SRC: variants seen among roughly 807,000 people sequenced by gnomAD.
SRC encodes the protein SRC proto-oncogene, non-receptor tyrosine kinase.
SRC carries 13 observed loss-of-function variants against 62.9 expected under a neutral mutation model. That is an observed-to-expected ratio of 0.21 (90% CI 0.13 to 0.33). The LOEUF (loss-of-function observed/expected upper bound fraction) is 0.33. Among genes scored for constraint, SRC ranks in the 10% least tolerant of loss-of-function variants. The probability of loss-of-function intolerance (pLI) is 1.00; values close to 1 mark genes in which losing one functional copy is unlikely to be tolerated. For missense variants in SRC, 457 were observed against 737.3 expected (o/e 0.62, Z 4.40); for synonymous variants, 302 against 317.5 (o/e 0.95, Z 0.52).
chr20:37,379,722 CAA>C (rs1240730350), intron 2 of SRC, among the ~76,000 whole-genome samples: 2 of 129,084 alleles, frequency 1.5e-5, no homozygotes, highest in Non-Finnish European at 3.3e-5. Flanking sequence ...GACTCTGTCT[CAA>C]AAAAAAAAAA....
At chr20:37,368,372 C>A (rs949443997) in intron 2 of SRC, among the ~76,000 whole-genome samples, 1 of 151,848 alleles carries the variant, frequency 6.6e-6, no homozygotes, top group African/African-American at 2.4e-5. Context: ...GAGCTGAGAT[C>A]GCACCATTTT....
chr20:37,363,826 G>A (rs534582724), intron 1 of SRC, among the ~76,000 whole-genome samples: 2 of 152,290 alleles, frequency 1.3e-5, no homozygotes, highest in African/African-American at 2.4e-5. Flanking sequence ...ATTGTCACTC[G>A]GCTGCTAAGA....
intron 4 of SRC, among the ~76,000 whole-genome samples, chr20:37,385,075 C>T (rs2070432684): frequency 6.6e-6 from 1 of 152,222 alleles, no homozygotes. Context: ...AGACACATCC[C>T]CAACGCAGAT....
chr20:37,384,478 G>T lies in SRC; in HGVS notation c.250+75G>T. 7.8e-7 allele frequency: 1 copy of T among 1,277,552 alleles called. No homozygotes were observed. The highest frequency in any genetic ancestry group is 9.8e-7 in the Non-Finnish European group (1 of 1,017,690). 79.1% of individuals were successfully genotyped at this position (1,277,552 alleles called of 1,614,324 possible). ...GGAGGCGGCGGGGCTGTGTGCCCGGGGTCGCCCCCTCTGCGCAGGCCCTTC... is the reference window on the plus strand; with the variant it reads ...GGAGGCGGCGGGGCTGTGTGCCCGGTGTCGCCCCCTCTGCGCAGGCCCTTC... On this transcript the variant is annotated intron_variant, in intron 4 of 13. Transcript: ENST00000373578. The surrounding 1 kb of genome is among the most constrained non-coding windows in gnomAD (Gnocchi z 6.7).
rs868612994 is a variant in SRC at position 37,398,378 on chromosome 20, C to T, written c.859+524C>T. On this transcript the variant is annotated intron_variant, in intron 9 of 13. Transcript: ENST00000373578. This position sits in a 1 kb window ranked among gnomAD's most constrained non-coding sequence, Gnocchi z 5.2. Reference sequence around the variant, plus strand: ...GTGCAGCCCTGACAAAACCCAGGCCCCTCTTCCACCGGATGCTTTCTGCTC... The same window carrying T: ...GTGCAGCCCTGACAAAACCCAGGCCTCTCTTCCACCGGATGCTTTCTGCTC... Among the ~76,000 whole-genome samples, 9 of 152,350 alleles carry T rather than the reference C, an allele frequency of 5.9e-5. No homozygotes were observed. The highest frequency in any genetic ancestry group is 7.3e-5 in the Non-Finnish European group (5 of 68,032).
intron 5 of SRC, among the ~76,000 whole-genome samples, chr20:37,391,803 G>A (rs957731317): frequency 1.3e-5 from 2 of 152,162 alleles, no homozygotes; most frequent in African/African-American, 2.4e-5. Flanking sequence ...GCAGTGAGCC[G>A]AGATCGCGCT....
chr20:37,354,040 G>A (rs1204314201), intron 1 of SRC, among the ~76,000 whole-genome samples: 1 of 152,224 alleles, frequency 6.6e-6, no homozygotes, highest in Non-Finnish European at 1.5e-5. Flanking sequence ...AGTGCTCGGT[G>A]CGTGTTATTT....
At chr20:37,378,717 G>A (rs1184519542) in intron 2 of SRC, among the ~76,000 whole-genome samples, 3 of 152,148 alleles carry the variant, frequency 2.0e-5, no homozygotes, top group African/African-American at 7.2e-5. Context: ...TTTAAGCGGA[G>A]GAGGCCCAGT....
At chr20:37,360,903 A>C (rs1052852882) in intron 1 of SRC, among the ~76,000 whole-genome samples, 6 of 152,202 alleles carry the variant, frequency 3.9e-5, no homozygotes, top group Non-Finnish European at 5.9e-5. Flanking sequence ...AGAGAGGTGG[A>C]GTAACTTTCC....
chr20:37,359,993 G>A lies in SRC; in HGVS notation c.-246-5211G>A, dbSNP rs368886435. 4.0e-5 allele frequency among the ~76,000 whole-genome samples: 6 copies of A among 151,744 alleles called. No individual in the cohort carries two copies. The East Asian group carries it at 7.8e-4, about 20-fold the overall frequency. Reference sequence around the variant, plus strand: ...ATAGAATGAACCCCATGAACCCATCGCTGAGCCAAGCACCACTACCCATGG... The same window carrying A: ...ATAGAATGAACCCCATGAACCCATCACTGAGCCAAGCACCACTACCCATGG... On this transcript the variant is annotated intron_variant, in intron 1 of 13. Transcript: ENST00000373578.
chr20:37,394,129 A>G lies in SRC; in HGVS notation c.450-45A>G, dbSNP rs756314608. 3.8e-6 allele frequency: 6 copies of G among 1,589,176 alleles called. 1 individual carries two copies. In the South Asian group the frequency reaches 6.6e-5, roughly 18 times the overall value. ...CCAGGGAGAAGCACTGTGAGTGGGCAGAAGCCTGGACAGTCAGCACCATCC... is the reference window on the plus strand; with the variant it reads ...CCAGGGAGAAGCACTGTGAGTGGGCGGAAGCCTGGACAGTCAGCACCATCC... On this transcript the variant is annotated intron_variant, in intron 6 of 13. Coordinates refer to ENST00000373578, the MANE Select transcript of SRC (RefSeq NM_198291.3).
At chr20:37,356,429 G>A (rs1226059093) in intron 1 of SRC, among the ~76,000 whole-genome samples, 2 of 152,148 alleles carry the variant, frequency 1.3e-5, no homozygotes, top group African/African-American at 2.4e-5. Context: ...CAGTGAGGTG[G>A]CCCTGGTGGC....
chr20:37,363,480 T>G (rs2070009831), intron 1 of SRC, among the ~76,000 whole-genome samples: 1 of 151,970 alleles, frequency 6.6e-6, no homozygotes, highest in Non-Finnish European at 1.5e-5. Flanking sequence ...TGGGCTCTGG[T>G]GTCCCTCGGA....
In SRC at chr20:37,397,508, A is replaced by G. The variant is rs529105698; in HGVS notation, c.704-191A>G. The stretch of plus-strand genomic sequence containing the variant: ...ACTGACTGAATGACTGACTCAGCAG[A>G]TGCATAAAGCACTGTGGGCCTGTGT... On this transcript the variant is annotated intron_variant, in intron 8 of 13. Coordinates refer to ENST00000373578, the MANE Select transcript of SRC (RefSeq NM_198291.3). This position sits in a 1 kb window ranked among gnomAD's most constrained non-coding sequence, Gnocchi z 4.1. Among the ~76,000 whole-genome samples, 1 of 152,182 alleles carries G rather than the reference A, an allele frequency of 6.6e-6. No individual in the cohort carries two copies. Among genetic ancestry groups the G allele is most frequent in the Non-Finnish European group, 1.5e-5 (1 of 68,016 alleles).
chr20:37,379,623 C>T (rs2147026644), intron 2 of SRC, among the ~76,000 whole-genome samples: 1 of 151,894 alleles, frequency 6.6e-6, no homozygotes, highest in Non-Finnish European at 1.5e-5. Context: ...ACTCAGGAGG[C>T]TGAGGCAGTA....
chr20:37,384,049 T>C lies in SRC; in HGVS notation c.-4-101T>C. 1 of 1,507,166 alleles carries C rather than the reference T, an allele frequency of 6.6e-7. No homozygotes were observed. Among genetic ancestry groups the C allele is most frequent in the East Asian group, 2.6e-5 (1 of 37,902 alleles). 93.4% of individuals were successfully genotyped at this position (1,507,166 alleles called of 1,614,324 possible). A position where few individuals can be genotyped will look rare whatever the true frequency, so the allele number is the denominator to read the frequency against. On this transcript the variant is annotated intron_variant, in intron 3 of 13. Coordinates refer to ENST00000373578, the MANE Select transcript of SRC (RefSeq NM_198291.3). The surrounding 1 kb of genome is among the most constrained non-coding windows in gnomAD (Gnocchi z 6.7). Reference sequence around the variant, plus strand: ...CCGCGCCCGGCCCTGCTGCCTCTCCTTGGGCCTCGTTTTCCCTATCTGTGG... The same window carrying C: ...CCGCGCCCGGCCCTGCTGCCTCTCCCTGGGCCTCGTTTTCCCTATCTGTGG...
chr20:37,348,727 G>C (rs1266983049), intron 1 of SRC, among the ~76,000 whole-genome samples: 6 of 152,204 alleles, frequency 3.9e-5, no homozygotes, highest in African/African-American at 1.4e-4. Context: ...TGAATCTGGA[G>C]GGTGAGCAAA....
At position 37,365,772 on chromosome 20, in the gene SRC, C is replaced by T. The variant is rs377732014; in HGVS notation, c.-173+495C>T. On this transcript the variant is annotated intron_variant, in intron 2 of 13. Coordinates refer to ENST00000373578, the MANE Select transcript of SRC (RefSeq NM_198291.3). ...CCAGTTATTTATTTTTTTGTAGAGA[C>T]AGAGTCTCACTATGTTGCCTAGGCT... Among the ~76,000 whole-genome samples, 314 of 152,200 alleles carry T rather than the reference C, an allele frequency of 2.1e-3. 2 individuals are homozygous for T. Among genetic ancestry groups the T allele is most frequent in the African/African-American group, 7.4e-3 (307 of 41,514 alleles).
chr20:37,387,742 A>G (rs977844558), intron 5 of SRC, among the ~76,000 whole-genome samples: 1 of 152,212 alleles, frequency 6.6e-6, no homozygotes, highest in Non-Finnish European at 1.5e-5. Flanking sequence ...AACTCAGCAC[A>G]GTGGCGGGTG....
Sources: gnomAD v4.1 joint callset for allele counts (sites outside exome capture counted in the v4.1 genomes callset) on GRCh38, gnomAD v4.1.1 for gene constraint, Gnocchi (gnomAD v3.1) non-coding constraint, MANE v1.5 for transcripts, NCBI Gene and HGNC (gene_info 2026-07-23, HGNC 2026-07-21) for gene names.